CCDC181: variants seen among roughly 807,000 people sequenced by gnomAD.
The protein encoded by CCDC181 is coiled-coil domain containing 181.
A neutral mutation model predicts 58.7 loss-of-function variants in CCDC181; 35 were observed. The ratio of observed to expected loss-of-function variants is 0.60; its 90% CI spans 0.46 to 0.79. CCDC181 has a LOEUF of 0.79. Ranked by LOEUF, CCDC181 falls within the 30% of genes least tolerant of loss-of-function variation. The pLI is 0.00. For missense variants in CCDC181, 517 were observed against 583.9 expected (o/e 0.89, Z 1.18); for synonymous variants, 183 against 197.5 (o/e 0.93, Z 0.62).
chr1:169,443,725 C>A (rs1237730825), intron 2 of CCDC181, among the ~76,000 whole-genome samples: 2 of 152,142 alleles, frequency 1.3e-5, no homozygotes, highest in African/African-American at 2.4e-5. Context: ...AGCTAAACAC[C>A]AAGCCTCCAT....
At chr1:169,418,732 G>T (rs1656325020) in intron 4 of CCDC181, 7 of 436,000 alleles carry the variant, frequency 1.6e-5, no homozygotes, top group Non-Finnish European at 2.8e-5. Context: ...GTGTATCTTT[G>T]CCCTGTTTGA....
intron 2 of CCDC181, among the ~76,000 whole-genome samples, chr1:169,447,445 G>C (rs1657408280): frequency 6.6e-6 from 1 of 152,116 alleles, no homozygotes; most frequent in African/African-American, 2.4e-5. Context: ...TAGCTCAAAT[G>C]TAACCTATTT....
At chr1:169,428,271 A>AG (rs1656799063), upstream of CCDC181, among the ~76,000 whole-genome samples, 1 of 152,192 alleles carries the variant, frequency 6.6e-6, no homozygotes, top group Non-Finnish European at 1.5e-5. Flanking sequence ...GTGTAGTTGT[A>AG]ATGACCTAAT....
chr1:169,452,104 A>G (rs1183228700), intron 2 of CCDC181, among the ~76,000 whole-genome samples: 1 of 151,964 alleles, frequency 6.6e-6, no homozygotes, highest in Non-Finnish European at 1.5e-5. Flanking sequence ...TGTAGATGAG[A>G]AGAAAAAAAA....
intron 4 of CCDC181, among the ~76,000 whole-genome samples, chr1:169,410,341 A>G (rs1161046329): frequency 1.3e-5 from 2 of 152,230 alleles, no homozygotes; most frequent in Admixed American, 1.3e-4. Context: ...AGAAGAGCTA[A>G]CTATCCTAAA....
chr1:169,422,333 C>A lies in CCDC181; in HGVS notation c.118-20G>T. The A allele has an allele frequency of 6.7e-7, 1 of 1,487,566 alleles. No homozygotes were observed. The highest frequency in any genetic ancestry group is 9.0e-7 in the Non-Finnish European group (1 of 1,106,072). The allele number at this position is 1,487,566 out of a possible 1,614,324, so 92.1% of individuals were successfully genotyped here. A position where few individuals can be genotyped will look rare whatever the true frequency, so the allele number is the denominator to read the frequency against. On this transcript the variant is annotated intron_variant, in intron 2 of 5. Transcript: ENST00000367806. ...AGCCATCTAAAAACAAGATATTTTTCAGTCAAAATTGAGATTCTTCATTTA... is the reference window on the plus strand; with the variant it reads ...AGCCATCTAAAAACAAGATATTTTTAAGTCAAAATTGAGATTCTTCATTTA...
At chr1:169,454,177 A>G (rs1241139655) in intron 2 of CCDC181, among the ~76,000 whole-genome samples, 2 of 152,068 alleles carry the variant, frequency 1.3e-5, no homozygotes, top group Admixed American at 1.3e-4. Flanking sequence ...TTTTTTAAAC[A>G]CTTCATGTTT....
At chr1:169,428,029 A>G (rs1203568601), upstream of CCDC181, among the ~76,000 whole-genome samples, 2 of 152,230 alleles carry the variant, frequency 1.3e-5, no homozygotes, top group Non-Finnish European at 2.9e-5. Context: ...CCAGAAATAA[A>G]TAAGAACTGG....
intron 4 of CCDC181, among the ~76,000 whole-genome samples, chr1:169,406,774 C>T (rs977611855): frequency 6.6e-6 from 1 of 150,666 alleles, no homozygotes; most frequent in African/African-American, 2.4e-5. Flanking sequence ...TACCCTAGAA[C>T]TTAAAGCATA....
chr1:169,397,978 A>G lies in CCDC181; in HGVS notation c.1216-587T>C, dbSNP rs568172254. Among the ~76,000 whole-genome samples, 13 of 152,160 alleles carry G rather than the reference A, an allele frequency of 8.5e-5. 1 individual carries two copies. Among genetic ancestry groups the G allele is most frequent in the South Asian group, 4.1e-4 (2 of 4,836 alleles). The stretch of plus-strand genomic sequence containing the variant: ...CTTGCATTTCCCTCATCTGTTGCCT[A>G]TATCTTGCATTTTTTCCCTTGTTTG... On this transcript the variant is annotated intron_variant, in intron 4 of 5. Transcript: ENST00000367806.
At chr1:169,429,502 G>A (rs1204202572), upstream of CCDC181, among the ~76,000 whole-genome samples, 1 of 152,134 alleles carries the variant, frequency 6.6e-6, no homozygotes, top group Non-Finnish European at 1.5e-5. Context: ...CATTCTTGCA[G>A]GAGTAAGGTG....
intron 2 of CCDC181, among the ~76,000 whole-genome samples, chr1:169,441,820 C>T (rs1452809734): frequency 6.6e-6 from 1 of 151,764 alleles, no homozygotes; most frequent in African/African-American, 2.4e-5. Flanking sequence ...TGAGATTTTA[C>T]AAATATAAGA....
intron 2 of CCDC181, among the ~76,000 whole-genome samples, chr1:169,433,509 C>T (rs181363271): frequency 6.6e-6 from 1 of 152,060 alleles, no homozygotes; most frequent in Admixed American, 6.5e-5. Flanking sequence ...AGTTGGAGCA[C>T]TAATACTTCC....
chr1:169,436,747 T>C (rs889743607), intron 2 of CCDC181, among the ~76,000 whole-genome samples: 6 of 152,230 alleles, frequency 3.9e-5, no homozygotes, highest in African/African-American at 1.4e-4. Flanking sequence ...CAGAGCACTA[T>C]TAGTTTTCAA....
intron 4 of CCDC181, among the ~76,000 whole-genome samples, chr1:169,404,384 T>C (rs1216451975): frequency 1.3e-5 from 2 of 152,282 alleles, no homozygotes; most frequent in South Asian, 2.1e-4. Context: ...CCAATACCCC[T>C]GATGAACATT....
chr1:169,399,548 T>C (rs537202604), intron 4 of CCDC181, among the ~76,000 whole-genome samples: 34 of 152,174 alleles, frequency 2.2e-4, no homozygotes, highest in Middle Eastern at 6.8e-3. Flanking sequence ...TAACTCTCAA[T>C]AGTGGAGGGA....
upstream of CCDC181, among the ~76,000 whole-genome samples, chr1:169,429,414 C>T (rs1216755407): frequency 6.6e-6 from 1 of 152,174 alleles, no homozygotes; most frequent in Non-Finnish European, 1.5e-5. Flanking sequence ...TTTACATTCC[C>T]ATCACCAGTA....
intron 3 of CCDC181, among the ~76,000 whole-genome samples, chr1:169,420,828 G>A (rs1656419254): frequency 6.6e-6 from 1 of 152,020 alleles, no homozygotes; most frequent in Non-Finnish European, 1.5e-5. Context: ...AAATTAATTT[G>A]GGATTCTATA....
At chr1:169,407,450 C>A (rs954919639) in intron 4 of CCDC181, among the ~76,000 whole-genome samples, 1 of 151,780 alleles carries the variant, frequency 6.6e-6, no homozygotes, top group African/African-American at 2.4e-5. Flanking sequence ...ATATTCAGAG[C>A]AATGCCTTAA....
Sources: gnomAD v4.1 joint callset for allele counts (sites outside exome capture counted in the v4.1 genomes callset) on GRCh38, gnomAD v4.1.1 for gene constraint, MANE v1.5 for transcripts, NCBI Gene and HGNC (gene_info 2026-07-23, HGNC 2026-07-21) for gene names.